The following CHAF1A variants were observed in gnomAD, a reference collection of about 807,000 sequenced individuals.
The protein encoded by CHAF1A is CAF-1 subunit A.
In CHAF1A, 5 loss-of-function variants were observed where a neutral mutation model predicts 93.2. The ratio of observed to expected loss-of-function variants is 0.05; its 90% CI spans 0.03 to 0.11. CHAF1A has a LOEUF of 0.11. Among genes scored for constraint, CHAF1A ranks in the 10% least tolerant of loss-of-function variants. CHAF1A has a pLI of 1.00. For synonymous variants in CHAF1A, 504 were observed against 510.3 expected, an observed-to-expected ratio of 0.99 and a Z score of 0.17; for missense variants, 1,102 against 1,259.9, an observed-to-expected ratio of 0.87 and a Z score of 1.90.
At position 4,443,200 on chromosome 19, in the gene CHAF1A, C is replaced by T; in HGVS notation, c.*175C>T. On this transcript the variant is annotated 3_prime_UTR_variant, in exon 15 of 15. Transcript: ENST00000301280. Reference sequence around the variant, plus strand: ...TCCTTTGATATTTGTAAAAATTCCCCCAAGAGCCGCATATGAATCTGCCCT... The same window carrying T: ...TCCTTTGATATTTGTAAAAATTCCCTCAAGAGCCGCATATGAATCTGCCCT... 1 of 630,380 alleles carries T rather than the reference C, an allele frequency of 1.6e-6. No homozygotes were observed. The highest frequency in any genetic ancestry group is 2.9e-6 in the Non-Finnish European group (1 of 343,802). The allele number at this position is 630,380 out of a possible 1,614,324, so 39.0% of individuals were successfully genotyped here.
At chr19:4,408,619 G>T (rs868766074) in intron 2 of CHAF1A, among the ~76,000 whole-genome samples, 4 of 151,000 alleles carry the variant, frequency 2.6e-5, no homozygotes, top group Admixed American at 6.6e-5. Flanking sequence ...TATTACAGGC[G>T]TGTGCCACCA....
downstream of CHAF1A, chr19:4,449,423 C>T (rs1300424377): frequency 6.6e-6 from 1 of 152,472 alleles, no homozygotes; most frequent in African/African-American, 2.4e-5. Flanking sequence ...TGAGCCGGGG[C>T]TCATGCCAAC....
Position 4,406,046 on chromosome 19 carries a change from G to T in CHAF1A, c.103+84G>T. 4 of 1,073,478 alleles carry T rather than the reference G, an allele frequency of 3.7e-6. No individual in the cohort carries two copies. In the South Asian group the frequency reaches 5.1e-5, roughly 14 times the overall value. 66.5% of individuals were successfully genotyped at this position (1,073,478 alleles called of 1,614,324 possible). On this transcript the variant is annotated intron_variant, in intron 2 of 14. Transcript: ENST00000301280. ...TGTTGGAGACCTCAGTGGAAGCCTG[G>T]AGCTAGAGGGGAGAGAAACAGTCCT...
chr19:4,429,100 C>A, intron 8 of CHAF1A: 3 of 596,640 alleles, frequency 5.0e-6, no homozygotes, highest in Non-Finnish European at 8.9e-6. Flanking sequence ...CTTCCCAGCT[C>A]CTCGTGGAGG....
chr19:4,441,814 C>T (rs1267139149), intron 13 of CHAF1A, among the ~76,000 whole-genome samples: 5 of 152,088 alleles, frequency 3.3e-5, no homozygotes, highest in South Asian at 2.1e-4. Flanking sequence ...AGGAGAATGG[C>T]GTGAATCCGG....
At chr19:4,420,882 G>A (rs1303669782) in intron 4 of CHAF1A, among the ~76,000 whole-genome samples, 1 of 152,056 alleles carries the variant, frequency 6.6e-6, no homozygotes, top group Non-Finnish European at 1.5e-5. Context: ...AGATCAGTCT[G>A]GGCAACATAG....
chr19:4,445,264 G>T, downstream of CHAF1A: 1 of 582,778 alleles, frequency 1.7e-6, no homozygotes, highest in Non-Finnish European at 3.0e-6. Flanking sequence ...GCTTAGATTT[G>T]TTGGTGTCCC....
Position 4,422,454 on chromosome 19 carries a change from C to A in CHAF1A, c.1018-112C>A. On this transcript the variant is annotated intron_variant, in intron 4 of 14. Coordinates refer to ENST00000301280, the MANE Select transcript of CHAF1A (RefSeq NM_005483.3). The surrounding 1 kb of genome is among the most constrained non-coding windows in gnomAD (Gnocchi z 4.6). ...GTGAGCCACCATGCCTAGCCTTGGTCCCTCAATTCTGTTCATCCCGTCCAG... is the reference window on the plus strand; with the variant it reads ...GTGAGCCACCATGCCTAGCCTTGGTACCTCAATTCTGTTCATCCCGTCCAG... The A allele has an allele frequency of 1.1e-6, 1 of 934,406 alleles. No individual in the cohort carries two copies. Among genetic ancestry groups the A allele is most frequent in the Non-Finnish European group, 1.6e-6 (1 of 614,302 alleles). 57.9% of individuals were successfully genotyped at this position (934,406 alleles called of 1,614,324 possible).
intron 10 of CHAF1A, 176 bp downstream of exon 10, chr19:4,429,964 C>T (rs191593502): frequency 1.7e-5 from 10 of 599,882 alleles, no homozygotes; most frequent in Admixed American, 9.5e-5. Context: ...CAGCTTCTCT[C>T]GAAAAATCTC....
chr19:4,410,987 G>A (rs1045631720), intron 3 of CHAF1A, among the ~76,000 whole-genome samples: 2 of 152,206 alleles, frequency 1.3e-5, no homozygotes, highest in Non-Finnish European at 2.9e-5. Context: ...ACGGTGTTTA[G>A]TGGTGTCTTT....
chr19:4,411,642 A>ATTTTTTTTTTTTTTTTTTTTTTT (rs1202069647), intron 3 of CHAF1A, among the ~76,000 whole-genome samples: 5 of 38,064 alleles, frequency 1.3e-4, no homozygotes, highest in Admixed American at 2.8e-4. Flanking sequence ...AATGGTGCAA[A>ATTTTTTTTTTTTTTTTTTTTTTT]TCTTTTTTTT....
At chr19:4,435,618 C>T (rs921719873) in intron 13 of CHAF1A, among the ~76,000 whole-genome samples, 2 of 152,148 alleles carry the variant, frequency 1.3e-5, no homozygotes, top group Admixed American at 1.3e-4. Flanking sequence ...AATCCCCCTG[C>T]CTTTGCCTCC....
rs1193933277 is a variant in CHAF1A at position 4,409,096 on chromosome 19, T to C, written c.297T>C (p.Asp99=). 1 of 1,614,142 alleles carries C rather than the reference T, an allele frequency of 6.2e-7. No individual in the cohort carries two copies. ...PKLVNGKGPL[D]NFLRNRIETS... is the part of the protein sequence containing the mutation. ...TTGTCAACGGGAAGGGTCCCTTAGA[T>C]AACTTTTTAAGAAATAGAATCGAAA... The change falls in exon 3 of 15, where the codon GAT becomes GAC. Residue 99 remains aspartate, a synonymous_variant. Transcript: ENST00000301280.
At chr19:4,418,135 A>C (rs112761807) in intron 4 of CHAF1A, 59 bp downstream of exon 4, 1 of 1,199,942 alleles carries the variant, frequency 8.3e-7, no homozygotes, top group Non-Finnish European at 1.2e-6. Flanking sequence ...ATTAAATAGT[A>C]AGCAAAGCCC....
intron 3 of CHAF1A, among the ~76,000 whole-genome samples, chr19:4,412,689 A>G (rs1599641285): frequency 6.6e-6 from 1 of 152,354 alleles, no homozygotes; most frequent in African/African-American, 2.4e-5. Flanking sequence ...AACTGAGCAC[A>G]TGAACCCAGT....
rs979520078 is a variant in CHAF1A at position 4,424,895 on chromosome 19, G to A, written c.1377+1021G>A. 2.3e-4 allele frequency among the ~76,000 whole-genome samples: 35 copies of A among 152,178 alleles called. 1 individual carries two copies. Among genetic ancestry groups the A allele is most frequent in the African/African-American group, 5.5e-4 (23 of 41,534 alleles). The stretch of plus-strand genomic sequence containing the variant: ...GGTGATCCGCCCGCCTCAGCCTCCC[G>A]AAGTGCCGGGATTATAGGCGTGAGC... On this transcript the variant is annotated intron_variant, in intron 7 of 14. Coordinates refer to ENST00000301280, the MANE Select transcript of CHAF1A (RefSeq NM_005483.3).
chr19:4,449,095 C>T (rs538915568), downstream of CHAF1A: 1 of 153,920 alleles, frequency 6.5e-6, no homozygotes, highest in Non-Finnish European at 1.4e-5. Flanking sequence ...CGAACAGCGT[C>T]CCAGCATGGA....
chr19:4,446,764 C>A, downstream of CHAF1A: 3 of 1,611,950 alleles, frequency 1.9e-6, no homozygotes, highest in Non-Finnish European at 2.5e-6. Context: ...ATGGAGAGAC[C>A]CCCAAGCCGG....
In CHAF1A at chr19:4,409,675, C is replaced by T. The variant is rs764765730; in HGVS notation, c.876C>T (p.Ser292=). The change falls in exon 3 of 15, where the codon TCC becomes TCT. Residue 292 remains serine, a synonymous_variant. Coordinates refer to ENST00000301280, the MANE Select transcript of CHAF1A (RefSeq NM_005483.3). The part of the protein sequence containing the change: ...LSHSSLSSPS[S]TSSPEGPPAP... ...ATTCGTCCCTGAGCTCTCCCTCTTC[C>T]ACCAGCTCGCCCGAGGGGCCGCCTG... 6.2e-7 allele frequency: 1 copy of T among 1,614,188 alleles called. No homozygotes were observed. Among genetic ancestry groups the T allele is most frequent in the Non-Finnish European group, 8.5e-7 (1 of 1,180,026 alleles).
Sources: allele counts gnomAD v4.1 joint callset (sites outside exome capture counted in the v4.1 genomes callset), GRCh38; gene constraint gnomAD v4.1.1; non-coding constraint Gnocchi (gnomAD v3.1); transcripts MANE v1.5; gene names NCBI Gene and HGNC (gene_info 2026-07-23, HGNC 2026-07-21).